EYS: variants seen among roughly 807,000 people sequenced by gnomAD.
EYS encodes EGF-like photoreceptor maintenance factor.
Under a neutral mutation model 282.1 loss-of-function variants are expected in EYS, and 250 were observed. The observed-to-expected ratio is 0.89, with a 90% CI of 0.80 to 0.98. EYS has a LOEUF of 0.98. Ranked by LOEUF, EYS falls within the 50% of genes least tolerant of loss-of-function variation. The probability of loss-of-function intolerance (pLI) is 0.00; values close to 1 mark genes in which losing one functional copy is unlikely to be tolerated. For synonymous variants in EYS, 1,355 were observed against 1,282.9 expected (o/e 1.06, Z -1.20); for missense variants, 4,016 against 3,709.0 (o/e 1.08, Z -2.15).
chr6:65,410,034 A>G (rs1262367693), intron 5 of EYS, among the ~76,000 whole-genome samples: 2 of 152,064 alleles, frequency 1.3e-5, no homozygotes, highest in Non-Finnish European at 2.9e-5. Context: ...CATTAACATA[A>G]TGTTTTCCTT....
At chr6:64,491,059 A>G (rs558892324) in intron 26 of EYS, among the ~76,000 whole-genome samples, 65 of 151,000 alleles carry the variant, frequency 4.3e-4, no homozygotes, top group Non-Finnish European at 6.1e-4. Context: ...GGTTGAAATG[A>G]CCAACATTAA....
At chr6:65,361,477 G>A (rs534868177) in intron 8 of EYS, among the ~76,000 whole-genome samples, 99 of 125,234 alleles carry the variant, frequency 7.9e-4, no homozygotes, top group African/African-American at 2.5e-3. Flanking sequence ...TCCTTCTTTC[G>A]TTCGTTCGTT....
At chr6:64,014,612 C>CG in intron 33 of EYS, among the ~76,000 whole-genome samples, 1 of 152,122 alleles carries the variant, frequency 6.6e-6, no homozygotes, top group Admixed American at 6.5e-5. Context: ...ATTTCTGAAG[C>CG]ACTCTCTGAG....
chr6:63,788,424 C>T (rs759348034), intron 38 of EYS, among the ~76,000 whole-genome samples, 175 bp from the exon 39 acceptor site: 23 of 152,076 alleles, frequency 1.5e-4, no homozygotes, highest in Admixed American at 3.3e-4. Flanking sequence ...TGTCTGTTAC[C>T]AGGGATATAT....
At chr6:64,595,826 G>C (rs949318128) in intron 24 of EYS, among the ~76,000 whole-genome samples, 2 of 152,136 alleles carry the variant, frequency 1.3e-5, no homozygotes, top group African/African-American at 4.8e-5. Flanking sequence ...TTATGGAGCA[G>C]AAGAATTAAT....
At chr6:64,937,279 C>A (rs1317853465) in intron 15 of EYS, among the ~76,000 whole-genome samples, 1 of 151,282 alleles carries the variant, frequency 6.6e-6, no homozygotes, top group Non-Finnish European at 1.5e-5. Context: ...GCAAAAGTGG[C>A]AAAAGAAAAT....
chr6:63,927,091 T>C (rs1339085027), intron 35 of EYS, among the ~76,000 whole-genome samples: 1 of 152,222 alleles, frequency 6.6e-6, no homozygotes, highest in Non-Finnish European at 1.5e-5. Flanking sequence ...ATAGGAAAAC[T>C]TGGGTTCTTA....
At position 64,664,415 on chromosome 6, in the gene EYS, C is replaced by T. The variant is rs1769156747; in HGVS notation, c.3444-38170G>A. Among the ~76,000 whole-genome samples, 3 of 152,204 alleles carry T rather than the reference C, an allele frequency of 2.0e-5. No individual in the cohort carries two copies. The South Asian group carries it at 6.2e-4, about 31-fold the overall frequency. The stretch of plus-strand genomic sequence containing the variant: ...GTTTAAAGGTGGATGCAGTCACCTT[C>T]CCAGCAAGGCTTAGGAATTCTTAGT... On this transcript the variant is annotated intron_variant, in intron 22 of 42. Coordinates refer to ENST00000503581, the MANE Select transcript of EYS (RefSeq NM_001142800.2).
At chr6:64,467,635 G>A (rs758302022) in intron 26 of EYS, among the ~76,000 whole-genome samples, 48 of 152,114 alleles carry the variant, frequency 3.2e-4, no homozygotes, top group Admixed American at 2.6e-3. Flanking sequence ...AGACATCCAC[G>A]CACACATTCT....
intron 37 of EYS, among the ~76,000 whole-genome samples, chr6:63,799,021 A>T (rs1364332656): frequency 1.1e-3 from 121 of 106,936 alleles, no homozygotes; most frequent in Admixed American, 1.4e-3. Context: ...ATATATATAT[A>T]ATTTTTTTTT....
At chr6:65,547,651 A>G (rs1768442618) in intron 2 of EYS, among the ~76,000 whole-genome samples, 1 of 152,200 alleles carries the variant, frequency 6.6e-6, no homozygotes, top group African/African-American at 2.4e-5. Context: ...TTATGCAATA[A>G]CTGAAATGGA....
rs148500974 is a variant in EYS, at chr6:64,290,901, A to C, written c.6191+16069T>G. Among the ~76,000 whole-genome samples, 13 of 151,356 alleles carry C rather than the reference A, an allele frequency of 8.6e-5. 1 individual carries two copies. In the East Asian group the frequency reaches 2.3e-3, roughly 27 times the overall value. ...CATGCATTTCTGTTACAACTACTCA[A>C]CTGTGGTTGTAACCTGAAAGCAACC... On this transcript the variant is annotated intron_variant, in intron 30 of 42. Coordinates refer to ENST00000503581, the MANE Select transcript of EYS (RefSeq NM_001142800.2).
rs555760446 is a variant in EYS at position 64,819,617 on chromosome 6, A to C, written c.3243+2028T>G. Among the ~76,000 whole-genome samples the C allele has an allele frequency of 5.3e-5, 8 of 152,044 alleles. No homozygotes were observed. The South Asian group carries it at 1.7e-3, about 31-fold the overall frequency. Reference sequence around the variant, plus strand: ...ATATTCACTATGAGTTAAAGCACTAAAAGTATCACGAATTCTATAATTGTA... The same window carrying C: ...ATATTCACTATGAGTTAAAGCACTACAAGTATCACGAATTCTATAATTGTA... On this transcript the variant is annotated intron_variant, in intron 21 of 42. Transcript: ENST00000503581.
rs182743672 is a variant in EYS at position 65,518,173 on chromosome 6, T to C, written c.-332-22180A>G. On this transcript the variant is annotated intron_variant, in intron 2 of 42. Transcript: ENST00000503581. ...TGGTATTTGGCAGAATCCAAACTTA[T>C]ATCCAAGCATTCTGTTATCAGTGCC... Among the ~76,000 whole-genome samples, 331 of 152,238 alleles carry C rather than the reference T, an allele frequency of 2.2e-3. 4 individuals carry two copies. Among genetic ancestry groups the C allele is most frequent in the Non-Finnish European group, 2.9e-3 (196 of 67,982 alleles).
At chr6:64,970,142 A>C (rs1228960297) in intron 14 of EYS, among the ~76,000 whole-genome samples, 1 of 146,506 alleles carries the variant, frequency 6.8e-6, no homozygotes, top group Non-Finnish European at 1.5e-5. Context: ...CCAAGCCTAG[A>C]AATACAAAAA....
intron 12 of EYS, among the ~76,000 whole-genome samples, chr6:65,101,534 G>A (rs1774892743): frequency 6.6e-6 from 1 of 151,134 alleles, no homozygotes; most frequent in Admixed American, 6.6e-5. Flanking sequence ...GAAAGAAACA[G>A]CCAAATCTAA....
intron 29 of EYS, among the ~76,000 whole-genome samples, chr6:64,312,275 TGCGTGGA>T (rs1194348441): frequency 6.6e-6 from 1 of 152,136 alleles, no homozygotes; most frequent in Non-Finnish European, 1.5e-5. Flanking sequence ...AAGTTGGAAC[TGCGTGGA>T]GCCCACTGCA....
chr6:65,517,154 C>G (rs930420795), intron 2 of EYS, among the ~76,000 whole-genome samples: 1 of 151,686 alleles, frequency 6.6e-6, no homozygotes, highest in South Asian at 2.1e-4. Flanking sequence ...TGGATTTAAA[C>G]CAAAGGAACT....
At chr6:64,702,566 T>C (rs1326667595) in intron 22 of EYS, among the ~76,000 whole-genome samples, 7 of 152,084 alleles carry the variant, frequency 4.6e-5, no homozygotes, top group African/African-American at 1.7e-4. Context: ...TCTGAAAAAA[T>C]GTACCACCTC....
Sources: gnomAD v4.1 joint callset for allele counts (sites outside exome capture counted in the v4.1 genomes callset) on GRCh38, gnomAD v4.1.1 for gene constraint, MANE v1.5 for transcripts, NCBI Gene and HGNC (gene_info 2026-07-23, HGNC 2026-07-21) for gene names.